Variants in USP16 observed in about 807,000 individuals in gnomAD.
The protein encoded by USP16 is ubiquitin specific peptidase 16.
USP16 carries 77 observed loss-of-function variants against 95.9 expected under a neutral mutation model. That is an observed-to-expected ratio of 0.80 (90% confidence interval 0.67 to 0.97). The LOEUF (loss-of-function observed/expected upper bound fraction) is 0.97. USP16 is among the 50% of genes least tolerant of loss of function. The pLI, the probability that USP16 is intolerant of heterozygous loss-of-function variation, is 0.00. For missense variants in USP16, 943 were observed against 959.9 expected, an observed-to-expected ratio of 0.98 and a Z score of 0.23; for synonymous variants, 303 against 318.2, an observed-to-expected ratio of 0.95 and a Z score of 0.51.
chr21:29,053,648 A>G, intron 16 of USP16, 154 bp from the exon 17 acceptor site: 1 of 686,350 alleles, frequency 1.5e-6, no homozygotes, highest in South Asian at 2.5e-5. Flanking sequence ...TCTCAGGCTG[A>G]GAAGAGGTAT....
intron 4 of USP16, among the ~76,000 whole-genome samples, 153 bp from the exon 5 acceptor site, chr21:29,036,118 G>T (rs979469603): frequency 6.6e-6 from 1 of 152,160 alleles, no homozygotes; most frequent in Non-Finnish European, 1.5e-5. Context: ...GAGTTAATAT[G>T]CATAGTCTTC....
chr21:29,032,477 C>T (rs1465761571), intron 3 of USP16, among the ~76,000 whole-genome samples: 1 of 152,134 alleles, frequency 6.6e-6, no homozygotes, highest in East Asian at 1.9e-4. Context: ...AGTGATCTAC[C>T]CCCCTGGGCC....
At position 29,038,402 on chromosome 21, in the gene USP16, A is replaced by T; in HGVS notation, c.704A>T (p.Lys235Ile). 6.2e-7 allele frequency: 1 copy of T among 1,612,924 alleles called. No individual in the cohort carries two copies. Among genetic ancestry groups the T allele is most frequent in the Non-Finnish European group, 8.5e-7 (1 of 1,179,198 alleles). The change falls in exon 7 of 18, where the codon AAA (lysine) becomes ATA (isoleucine). Residue 235 changes from lysine (K) to isoleucine (I), a missense_variant. Physicochemically the swap from Lys to Ile is moderately radical, Grantham distance 102. Coordinates refer to ENST00000399976, the MANE Select transcript of USP16 (RefSeq NM_006447.3). ...GTGAAAATGTCTGGAACAATTGTAA[A>T]AATTGAACCACCTGATTTGGCATTA... ...KEVKMSGTIVKIEPPDLALTE... is the reference protein window; with the variant it reads ...KEVKMSGTIVIIEPPDLALTE...
intron 3 of USP16, among the ~76,000 whole-genome samples, chr21:29,032,330 C>T (rs2085089563): frequency 6.6e-6 from 1 of 152,146 alleles, no homozygotes; most frequent in African/African-American, 2.4e-5. Flanking sequence ...CTCCCAGGCT[C>T]AAGTGATCCT....
In USP16 at chr21:29,039,525, TG is replaced by T; in HGVS notation, c.909del (p.Leu304PhefsTer8). 3.7e-6 allele frequency: 6 copies of T among 1,613,460 alleles called. No individual in the cohort carries two copies. The highest frequency in any genetic ancestry group is 5.1e-6 in the Non-Finnish European group (6 of 1,179,510). On this transcript the variant is annotated frameshift_variant, in exon 9 of 18. Transcript: ENST00000399976. LOFTEE classifies it high-confidence loss of function. ...KGYQQQDSQELLRYLLDGMRA... is the reference protein window; with the variant it reads ...KGYQQQDSQEXLRYLLDGMRA... ...TATCAGCAGCAAGACAGCCAGGAGC[TG>T]CTTCGCTACTTATTGGATGGGATGA...
At chr21:29,044,223 C>T (rs1262937356) in intron 13 of USP16, among the ~76,000 whole-genome samples, 2 of 152,084 alleles carry the variant, frequency 1.3e-5, no homozygotes, top group Admixed American at 6.6e-5. Flanking sequence ...CATGAGCCAC[C>T]GCGCCCGGCC....
At chr21:29,026,047 C>T (rs1473995739) in intron 1 of USP16, among the ~76,000 whole-genome samples, 1 of 152,186 alleles carries the variant, frequency 6.6e-6, no homozygotes, top group African/African-American at 2.4e-5. Context: ...GAATGATTGT[C>T]TAAGGCTTCC....
Position 29,039,475 on chromosome 21 carries a change from C to A in USP16, c.864-6C>A. On this transcript the variant is annotated splice_region_variant and splice_polypyrimidine_tract_variant and intron_variant, in intron 8 of 17. Transcript: ENST00000399976. ...ATTGCTTTTCTGTCTTTTTGTTTTT[C>A]TCTAGAGCAGTGCGGTTTAAAGGCT... The A allele has an allele frequency of 6.2e-7, 1 of 1,611,678 alleles. No homozygotes were observed. The highest frequency in any genetic ancestry group is 1.1e-5 in the South Asian group (1 of 90,892).
chr21:29,026,982 A>G (rs1156758076), intron 1 of USP16, among the ~76,000 whole-genome samples: 3 of 152,198 alleles, frequency 2.0e-5, no homozygotes, highest in Non-Finnish European at 4.4e-5. Flanking sequence ...GCTTCCGATC[A>G]AGAGAGTGAT....
chr21:29,039,956 T>C (rs1413587164), intron 9 of USP16, among the ~76,000 whole-genome samples: 2 of 152,226 alleles, frequency 1.3e-5, no homozygotes, highest in Non-Finnish European at 2.9e-5. Flanking sequence ...GTATTTTCAT[T>C]TTGTAAGAGT....
At chr21:29,051,952 C>T (rs544100898) in intron 16 of USP16, among the ~76,000 whole-genome samples, 28 of 152,214 alleles carry the variant, frequency 1.8e-4, no homozygotes, top group African/African-American at 6.7e-4. Context: ...ATTTATTATA[C>T]TTTTGTTTCT....
At chr21:29,037,545 C>T (rs2085177332) in intron 6 of USP16, 82 bp downstream of exon 6, 1 of 1,097,544 alleles carries the variant, frequency 9.1e-7, no homozygotes, top group African/African-American at 1.6e-5. Flanking sequence ...GTTTTTTCCA[C>T]CTGAGTAATT....
At chr21:29,053,523 G>A in intron 16 of USP16, 1 of 317,162 alleles carries the variant, frequency 3.2e-6, no homozygotes, top group Non-Finnish European at 5.8e-6. Flanking sequence ...TAAAGAAACT[G>A]GCAAGTTGAA....
In USP16 at chr21:29,048,771, G is replaced by T. The variant is rs749042910; in HGVS notation, c.2022G>T (p.Lys674Asn). 1 of 1,613,258 alleles carries T rather than the reference G, an allele frequency of 6.2e-7. No homozygotes were observed. Among genetic ancestry groups the T allele is most frequent in the Non-Finnish European group, 8.5e-7 (1 of 1,179,672 alleles). Residue 674 changes from lysine (K) to asparagine (N), a missense_variant, in exon 15 of 18, where the codon AAG becomes AAT. Lys to Asn is a moderately conservative substitution (Grantham distance 94, BLOSUM62 0). Coordinates refer to ENST00000399976, the MANE Select transcript of USP16 (RefSeq NM_006447.3). ...TCTTCTTTTCTTTAGGTGAAAGGAA[G>T]CATGTTTACACCAATGCCAAAAAGC... Reference protein sequence around the residue: ...GPKANIKGERKHVYTNAKKQM... With the variant: ...GPKANIKGERNHVYTNAKKQM...
chr21:29,053,683 G>A, intron 16 of USP16, 119 bp from the exon 17 acceptor site: 1 of 1,002,528 alleles, frequency 1.0e-6, no homozygotes, highest in Non-Finnish European at 1.5e-6. Context: ...ACTCATGAAT[G>A]ATTTCTGCAC....
At chr21:29,029,530 C>G (rs2085047544) in intron 2 of USP16, among the ~76,000 whole-genome samples, 1 of 152,188 alleles carries the variant, frequency 6.6e-6, no homozygotes, top group Non-Finnish European at 1.5e-5. Context: ...TTTCTTGGTG[C>G]AAGATCATTG....
intron 11 of USP16, 55 bp from the exon 12 acceptor site, chr21:29,042,417 C>G: frequency 6.5e-7 from 1 of 1,532,262 alleles, no homozygotes; most frequent in Admixed American, 1.8e-5. Flanking sequence ...GAGGATCTTA[C>G]TATGTAACAT....
At chr21:29,036,112 T>G (rs536668682) in intron 4 of USP16, among the ~76,000 whole-genome samples, 159 bp from the exon 5 acceptor site, 1 of 152,366 alleles carries the variant, frequency 6.6e-6, no homozygotes, top group African/African-American at 2.4e-5. Context: ...AAACCAGAGT[T>G]AATATGCATA....
chr21:29,035,607 C>T (rs982446199), intron 4 of USP16, among the ~76,000 whole-genome samples: 4 of 152,054 alleles, frequency 2.6e-5, no homozygotes, highest in Admixed American at 6.5e-5. Flanking sequence ...CTCCTGACCT[C>T]GTGATCCCCT....
Sources: allele counts gnomAD v4.1 joint callset (sites outside exome capture counted in the v4.1 genomes callset), GRCh38; gene constraint gnomAD v4.1.1; transcripts MANE v1.5; gene names NCBI Gene and HGNC (gene_info 2026-07-23, HGNC 2026-07-21).